Variants in NUBPL observed in about 807,000 individuals in gnomAD.
The protein encoded by NUBPL is iron-sulfur cluster transfer protein NUBPL.
In NUBPL, 31 loss-of-function variants were observed where a neutral mutation model predicts 45.7. The observed-to-expected ratio is 0.68, with a 90% CI of 0.51 to 0.92. The LOEUF (loss-of-function observed/expected upper bound fraction) is 0.92. NUBPL is among the 40% of genes least tolerant of loss of function. The pLI, the probability that NUBPL is intolerant of heterozygous loss-of-function variation, is 0.00. For missense variants in NUBPL, 401 were observed against 398.7 expected (o/e 1.01, Z -0.05); for synonymous variants, 144 against 140.9 (o/e 1.02, Z -0.15).
chr14:31,569,282 C>T (rs1452630035), intron 3 of NUBPL, among the ~76,000 whole-genome samples: 2 of 151,984 alleles, frequency 1.3e-5, no homozygotes, highest in Non-Finnish European at 2.9e-5. Flanking sequence ...CTGCAACCTC[C>T]GCCTCCCGGG....
intron 6 of NUBPL, among the ~76,000 whole-genome samples, chr14:31,701,602 C>A (rs1372347718): frequency 6.6e-6 from 1 of 152,174 alleles, no homozygotes; most frequent in Admixed American, 6.5e-5. Context: ...AGCTTCACTC[C>A]TGAAGCCAGC....
chr14:31,710,892 T>C (rs992204585), intron 6 of NUBPL, among the ~76,000 whole-genome samples: 1 of 152,196 alleles, frequency 6.6e-6, no homozygotes, highest in African/African-American at 2.4e-5. Flanking sequence ...AATTATGTCT[T>C]TCTGATTGGT....
intron 4 of NUBPL, among the ~76,000 whole-genome samples, chr14:31,602,685 A>G (rs1301526581): frequency 6.6e-6 from 1 of 152,182 alleles, no homozygotes; most frequent in East Asian, 1.9e-4. Flanking sequence ...AATATAATGC[A>G]TTTAGCAGAA....
chr14:31,812,342 G>A (rs570330922), intron 7 of NUBPL, among the ~76,000 whole-genome samples: 1 of 152,316 alleles, frequency 6.6e-6, no homozygotes, highest in East Asian at 1.9e-4. Context: ...TCAATCCTCA[G>A]CAATGGCAGA....
chr14:31,683,609 C>A (rs755103917), intron 6 of NUBPL, among the ~76,000 whole-genome samples: 5 of 152,232 alleles, frequency 3.3e-5, no homozygotes, highest in African/African-American at 1.2e-4. Context: ...CCTCAGCCCC[C>A]CAAAGTGCTG....
rs114080943 is a variant in NUBPL, at chr14:31,591,873, A to G, written c.292-7416A>G. On this transcript the variant is annotated intron_variant, in intron 3 of 10. Transcript: ENST00000281081. Reference sequence around the variant, plus strand: ...CATTCATTTATTAGTTTATTTACTTACCCATTTATTCAACAAATATTGAGT... The same window carrying G: ...CATTCATTTATTAGTTTATTTACTTGCCCATTTATTCAACAAATATTGAGT... 8.6e-3 allele frequency among the ~76,000 whole-genome samples: 1,302 copies of G among 152,254 alleles called. 22 individuals are homozygous for G. Among genetic ancestry groups the G allele is most frequent in the African/African-American group, 0.029 (1,212 of 41,550 alleles).
chr14:31,801,586 A>G (rs1263411030), intron 7 of NUBPL, among the ~76,000 whole-genome samples: 1 of 152,234 alleles, frequency 6.6e-6, no homozygotes, highest in African/African-American at 2.4e-5. Context: ...CAGAATATTT[A>G]TGTTGTAGAT....
intron 6 of NUBPL, among the ~76,000 whole-genome samples, chr14:31,732,109 G>T (rs1280007678): frequency 6.7e-6 from 1 of 148,258 alleles, no homozygotes; most frequent in African/African-American, 2.5e-5. Flanking sequence ...CAGGAGAATG[G>T]CGTGAACCCA....
chr14:31,728,962 GA>G (rs2037986004), intron 6 of NUBPL, among the ~76,000 whole-genome samples: 1 of 152,112 alleles, frequency 6.6e-6, no homozygotes, highest in Non-Finnish European at 1.5e-5. Flanking sequence ...ACCTGAAATT[GA>G]AAGAGTTTAC....
At chr14:31,575,843 T>C (rs2033703098) in intron 3 of NUBPL, among the ~76,000 whole-genome samples, 1 of 152,246 alleles carries the variant, frequency 6.6e-6, no homozygotes, top group Non-Finnish European at 1.5e-5. Flanking sequence ...TAAAGTATAG[T>C]TATTTTAAAG....
At chr14:31,768,715 T>C (rs111829436) in intron 6 of NUBPL, among the ~76,000 whole-genome samples, 1 of 152,188 alleles carries the variant, frequency 6.6e-6, no homozygotes, top group South Asian at 2.1e-4. Flanking sequence ...ACAGTCTAAA[T>C]CTAGACCTTC....
intron 6 of NUBPL, among the ~76,000 whole-genome samples, chr14:31,764,372 C>T (rs1414309276): frequency 6.6e-6 from 1 of 152,130 alleles, no homozygotes; most frequent in Non-Finnish European, 1.5e-5. Flanking sequence ...CCTATCTCCA[C>T]TTCATGAGGG....
At chr14:31,635,394 A>G (rs1595402611) in intron 4 of NUBPL, among the ~76,000 whole-genome samples, 1 of 152,028 alleles carries the variant, frequency 6.6e-6, no homozygotes, top group Admixed American at 6.6e-5. Context: ...AAGATCAGAT[A>G]GTTGTAGATA....
At chr14:31,791,781 T>C (rs1312577937) in intron 7 of NUBPL, among the ~76,000 whole-genome samples, 1 of 152,152 alleles carries the variant, frequency 6.6e-6, no homozygotes, top group Non-Finnish European at 1.5e-5. Context: ...AGAATAAATA[T>C]GATACATTGT....
intron 4 of NUBPL, among the ~76,000 whole-genome samples, chr14:31,644,813 A>G (rs1038872872): frequency 6.6e-6 from 1 of 152,062 alleles, no homozygotes; most frequent in Non-Finnish European, 1.5e-5. Context: ...TGTTTGCTTT[A>G]TATGCTTGGG....
At chr14:31,650,897 A>G (rs2035985413) in intron 4 of NUBPL, among the ~76,000 whole-genome samples, 2 of 152,186 alleles carry the variant, frequency 1.3e-5, no homozygotes, top group Non-Finnish European at 2.9e-5. Flanking sequence ...TGAGGGTGGA[A>G]TCAAGGAGGG....
chr14:31,758,919 C>A (rs965752247), intron 6 of NUBPL, among the ~76,000 whole-genome samples: 1 of 152,072 alleles, frequency 6.6e-6, no homozygotes, highest in African/African-American at 2.4e-5. Flanking sequence ...TTAAAGAAGA[C>A]AAGCTTTTCC....
At position 31,600,420 on chromosome 14, in the gene NUBPL, G is replaced by A. The variant is rs115932882; in HGVS notation, c.382+1041G>A. On this transcript the variant is annotated intron_variant, in intron 4 of 10. Coordinates refer to ENST00000281081, the MANE Select transcript of NUBPL (RefSeq NM_025152.3). Reference sequence around the variant, plus strand: ...ATTCAGACTGGGACCATACAGACACGCCAGTTCATCTAATGTGCATAGCTT... The same window carrying A: ...ATTCAGACTGGGACCATACAGACACACCAGTTCATCTAATGTGCATAGCTT... 6.8e-3 allele frequency among the ~76,000 whole-genome samples: 1,030 copies of A among 152,186 alleles called. 13 individuals are homozygous for A. Among genetic ancestry groups the A allele is most frequent in the African/African-American group, 0.023 (950 of 41,510 alleles).
At chr14:31,777,979 G>A (rs1243721001) in intron 6 of NUBPL, among the ~76,000 whole-genome samples, 1 of 152,164 alleles carries the variant, frequency 6.6e-6, no homozygotes, top group Non-Finnish European at 1.5e-5. Context: ...GTCCAAACCA[G>A]GACCTCAGAA....
Sources: allele counts gnomAD v4.1 joint callset (sites outside exome capture counted in the v4.1 genomes callset), GRCh38; gene constraint gnomAD v4.1.1; transcripts MANE v1.5; gene names NCBI Gene and HGNC (gene_info 2026-07-23, HGNC 2026-07-21).